Variants in SOCS2 observed in about 807,000 individuals in gnomAD.
SOCS2 encodes suppressor of cytokine signaling 2, also known as CIS-2.
In SOCS2, 10 loss-of-function variants were observed where a neutral mutation model predicts 18.6. The observed-to-expected ratio is 0.54, with a 90% CI of 0.33 to 0.91. SOCS2 has a LOEUF of 0.91. SOCS2 is among the 40% of genes least tolerant of loss of function. The pLI is 0.02. For synonymous variants in SOCS2, 104 were observed against 104.0 expected (o/e 1.00, Z 0.00); for missense variants, 231 against 247.2 (o/e 0.93, Z 0.44).
downstream of SOCS2, among the ~76,000 whole-genome samples, chr12:93,578,799 G>A (rs963933956): frequency 2.6e-5 from 4 of 151,996 alleles, no homozygotes; most frequent in South Asian, 2.1e-4. Flanking sequence ...AAAGTTGCAC[G>A]CTCCTACCCT....
the SOCS2 span, among the ~76,000 whole-genome samples, chr12:93,625,453 C>T: frequency 4.6e-5 from 7 of 151,982 alleles, no homozygotes; most frequent in Non-Finnish European, 1.0e-4. Context: ...TCAAAGCTTA[C>T]GAATTTATTG....
At chr12:93,589,893 AG>A in the SOCS2 span, among the ~76,000 whole-genome samples, 1 of 152,232 alleles carries the variant, frequency 6.6e-6, no homozygotes, top group Admixed American at 6.5e-5. Flanking sequence ...TTCAGTTTTG[AG>A]GGCTGTTAAC....
the SOCS2 span, among the ~76,000 whole-genome samples, chr12:93,591,264 C>CAA: frequency 3.1e-4 from 34 of 109,376 alleles, no homozygotes; most frequent in Admixed American, 1.7e-3. Context: ...AACGAACAAA[C>CAA]AAAAAAAAAA....
the SOCS2 span, among the ~76,000 whole-genome samples, chr12:93,598,698 T>C: frequency 6.6e-6 from 1 of 152,188 alleles, no homozygotes. Context: ...AATCTATGAG[T>C]ACAGTATAAC....
At chr12:93,585,611 T>C (rs762620531), downstream of SOCS2, among the ~76,000 whole-genome samples, 2 of 152,224 alleles carry the variant, frequency 1.3e-5, no homozygotes, top group Non-Finnish European at 2.9e-5. Context: ...GCTTGGCAAA[T>C]CTGACTTCAC....
the SOCS2 span, among the ~76,000 whole-genome samples, chr12:93,621,077 C>T: frequency 6.6e-6 from 1 of 152,158 alleles, no homozygotes; most frequent in Non-Finnish European, 1.5e-5. Flanking sequence ...AACTCTTGTC[C>T]TTTGGCGACC....
chr12:93,614,540 C>CTTTCT, the SOCS2 span, among the ~76,000 whole-genome samples: 4 of 37,142 alleles, frequency 1.1e-4, no homozygotes, highest in Non-Finnish European at 1.3e-4. Context: ...TCCTTCCTTC[C>CTTTCT]TTCTTTCTTT....
At chr12:93,571,469 A>G (rs1954249805), upstream of SOCS2, 1 of 153,656 alleles carries the variant, frequency 6.5e-6, no homozygotes, top group African/African-American at 2.4e-5. Flanking sequence ...CTGCCATTCA[A>G]ATTAATAATC....
chr12:93,571,166 G>A (rs1954238127), upstream of SOCS2: 1 of 153,502 alleles, frequency 6.5e-6, no homozygotes. Flanking sequence ...CGGGGTCCCG[G>A]GTGCACAGCC....
At chr12:93,623,398 T>TTTTA in the SOCS2 span, among the ~76,000 whole-genome samples, 1 of 152,058 alleles carries the variant, frequency 6.6e-6, no homozygotes, top group Admixed American at 6.5e-5. Flanking sequence ...GGGAAGTTCT[T>TTTTA]TTTATTTATT....
the SOCS2 span, among the ~76,000 whole-genome samples, chr12:93,591,312 C>G: frequency 6.7e-6 from 1 of 150,208 alleles, no homozygotes; most frequent in African/African-American, 2.4e-5. Flanking sequence ...AGCGACTTGA[C>G]CTTGATTTAC....
At chr12:93,589,543 CTTTT>C in the SOCS2 span, among the ~76,000 whole-genome samples, 1 of 152,086 alleles carries the variant, frequency 6.6e-6, no homozygotes, top group South Asian at 2.1e-4. Flanking sequence ...TCCCCATTCC[CTTTT>C]TTTGTTTGTT....
At chr12:93,595,298 G>A in the SOCS2 span, among the ~76,000 whole-genome samples, 1 of 152,066 alleles carries the variant, frequency 6.6e-6, no homozygotes, top group Admixed American at 6.6e-5. Context: ...TAAAAAGGAG[G>A]TACATTTTAG....
intron 1 of SOCS2, chr12:93,583,001 T>C (rs1954560268): frequency 1.1e-5 from 1 of 90,048 alleles, no homozygotes; most frequent in East Asian, 4.2e-4. Context: ...CTGGGTTTTG[T>C]TTTTTTTTTT....
downstream of SOCS2, among the ~76,000 whole-genome samples, chr12:93,585,913 C>T (rs565683465): frequency 3.3e-4 from 50 of 152,226 alleles, no homozygotes; most frequent in South Asian, 1.0e-2. Flanking sequence ...CGGCATACAC[C>T]CTCACATATA....
the SOCS2 span, among the ~76,000 whole-genome samples, chr12:93,614,938 T>TA: frequency 0.077 from 10,412 of 135,466 alleles, 407 homozygotes; most frequent in Middle Eastern, 0.12. Flanking sequence ...ATTTTCTATT[T>TA]AAAAAAAAAA....
In SOCS2 at chr12:93,572,869, C is replaced by G. The variant is rs781541916; in HGVS notation, c.-29C>G. The G allele has an allele frequency of 1.3e-6, 2 of 1,562,026 alleles. No individual in the cohort carries two copies. The highest frequency in any genetic ancestry group is 1.4e-5 in the African/African-American group (1 of 73,588). On this transcript the variant is annotated 5_prime_UTR_variant, in exon 1 of 2. Coordinates refer to ENST00000551556, the MANE Select transcript of SOCS2 (RefSeq NM_001270471.2). The surrounding 1 kb of genome is among the most constrained non-coding windows in gnomAD (Gnocchi z 5.0). Reference sequence around the variant, plus strand: ...TCTCTGACCCCAGCTCGGGCGGCCACCTGTCTTTGCCGCGGTGACCCTTCT... The same window carrying G: ...TCTCTGACCCCAGCTCGGGCGGCCAGCTGTCTTTGCCGCGGTGACCCTTCT...
chr12:93,571,971 G>C (rs1048175609), upstream of SOCS2: 32 of 281,920 alleles, frequency 1.1e-4, no homozygotes, highest in South Asian at 8.2e-4. Context: ...CCGCCCGCTC[G>C]GCCCCGGCCT....
chr12:93,588,472 C>G (rs992121582), downstream of SOCS2, among the ~76,000 whole-genome samples: 1 of 152,060 alleles, frequency 6.6e-6, no homozygotes, highest in African/African-American at 2.4e-5. Context: ...AAAGTCAAAA[C>G]TCAACACACC....
Sources: allele counts gnomAD v4.1 joint callset (sites outside exome capture counted in the v4.1 genomes callset), GRCh38; gene constraint gnomAD v4.1.1; non-coding constraint Gnocchi (gnomAD v3.1); transcripts MANE v1.5; gene names NCBI Gene and HGNC (gene_info 2026-07-23, HGNC 2026-07-21).